Variants in CCDC91 observed in about 807,000 individuals in gnomAD.
CCDC91 encodes the protein coiled-coil domain containing 91.
CCDC91 carries 48 observed loss-of-function variants against 63.2 expected under a neutral mutation model. The observed-to-expected ratio is 0.76, with a 90% CI of 0.60 to 0.97. The LOEUF (loss-of-function observed/expected upper bound fraction) is 0.97. Among genes scored for constraint, CCDC91 ranks in the 50% least tolerant of loss-of-function variants. The probability of loss-of-function intolerance (pLI) is 0.00; values close to 1 mark genes in which losing one functional copy is unlikely to be tolerated. For missense variants in CCDC91, 500 were observed against 494.6 expected (o/e 1.01, Z -0.10); for synonymous variants, 167 against 165.8 (o/e 1.01, Z -0.06).
At chr12:28,411,171 A>G (rs1455677801) in intron 8 of CCDC91, among the ~76,000 whole-genome samples, 1 of 152,134 alleles carries the variant, frequency 6.6e-6, no homozygotes, top group African/African-American at 2.4e-5. Flanking sequence ...GAGGATGTCC[A>G]TTCTTCTGAA....
intron 11 of CCDC91, among the ~76,000 whole-genome samples, chr12:28,467,349 T>A (rs1950596989): frequency 6.6e-6 from 1 of 151,892 alleles, no homozygotes; most frequent in African/African-American, 2.4e-5. Context: ...AAGACAAAAT[T>A]ATAAGAAGAG....
chr12:28,511,341 G>C (rs1939356121), intron 12 of CCDC91, among the ~76,000 whole-genome samples: 1 of 151,750 alleles, frequency 6.6e-6, no homozygotes, highest in Non-Finnish European at 1.5e-5. Flanking sequence ...TCTTCCAAAG[G>C]TTTTCCAAAT....
chr12:28,479,825 CT>C (rs1455180535), intron 11 of CCDC91, among the ~76,000 whole-genome samples: 1 of 146,858 alleles, frequency 6.8e-6, no homozygotes, highest in Non-Finnish European at 1.5e-5. Context: ...GAGTTAGCAA[CT>C]TTTGAAGATG....
In CCDC91 at chr12:28,224,263, C is replaced by T. The variant is rs764753188; in HGVS notation, c.-14-32939C>T. ...GTCATCCCATATGATTTTGGGTCTGCTTTACCAACAATTTATTAAGCTGAG... is the reference window on the plus strand; with the variant it reads ...GTCATCCCATATGATTTTGGGTCTGTTTTACCAACAATTTATTAAGCTGAG... On this transcript the variant is annotated intron_variant, in intron 1 of 12. Coordinates refer to ENST00000536442, the MANE Select transcript of CCDC91 (RefSeq NM_018318.5). Among the ~76,000 whole-genome samples, 91 of 152,200 alleles carry T rather than the reference C, an allele frequency of 6.0e-4. 1 individual carries two copies. Among genetic ancestry groups the T allele is most frequent in the Non-Finnish European group, 2.5e-4 (17 of 68,010 alleles).
At chr12:28,276,053 A>C (rs563349817) in intron 3 of CCDC91, among the ~76,000 whole-genome samples, 7 of 152,216 alleles carry the variant, frequency 4.6e-5, no homozygotes, top group Non-Finnish European at 7.4e-5. Context: ...TCCCTTTGAA[A>C]ACTGGCACAA....
At chr12:28,353,951 C>G (rs1943353918) in intron 6 of CCDC91, among the ~76,000 whole-genome samples, 1 of 152,046 alleles carries the variant, frequency 6.6e-6, no homozygotes, top group African/African-American at 2.4e-5. Flanking sequence ...GGGTAGTAGG[C>G]TTAATACCTG....
chr12:28,202,642 C>T (rs1228076246), intron 1 of CCDC91, among the ~76,000 whole-genome samples: 1 of 152,200 alleles, frequency 6.6e-6, no homozygotes, highest in East Asian at 1.9e-4. Context: ...CTTAGACAGG[C>T]AGTTTATAAC....
chr12:28,269,301 T>C (rs1947582598), intron 3 of CCDC91, among the ~76,000 whole-genome samples: 1 of 151,794 alleles, frequency 6.6e-6, no homozygotes, highest in Non-Finnish European at 1.5e-5. Context: ...AGTGGGAGGG[T>C]ACCATGATTT....
intron 7 of CCDC91, among the ~76,000 whole-genome samples, chr12:28,368,836 GA>G (rs1944433347): frequency 6.6e-6 from 1 of 151,836 alleles, no homozygotes; most frequent in Non-Finnish European, 1.5e-5. Context: ...GAGAAAGAGA[GA>G]GAGAGAGAGA....
Position 28,209,683 on chromosome 12 carries a change from A to C in CCDC91, c.-15+19042A>C, listed in dbSNP as rs11519095. Among the ~76,000 whole-genome samples the C allele has an allele frequency of 7.3e-3, 1,103 of 152,106 alleles. 18 individuals are homozygous for C. The highest frequency in any genetic ancestry group is 0.025 in the African/African-American group (1,056 of 41,482). ...TGACCTCAAGTGATCCACCTGCCTCAGCCTCCCAAAGTGCTAGGATTATAG... is the reference window on the plus strand; with the variant it reads ...TGACCTCAAGTGATCCACCTGCCTCCGCCTCCCAAAGTGCTAGGATTATAG... On this transcript the variant is annotated intron_variant, in intron 1 of 12. Transcript: ENST00000536442.
At chr12:28,238,603 A>G (rs1261272355) in intron 1 of CCDC91, among the ~76,000 whole-genome samples, 2 of 152,210 alleles carry the variant, frequency 1.3e-5, no homozygotes, top group East Asian at 1.9e-4. Context: ...ACTTCCATAT[A>G]TAAGCATTTC....
chr12:28,235,201 C>T (rs1258740226), intron 1 of CCDC91, among the ~76,000 whole-genome samples: 1 of 152,046 alleles, frequency 6.6e-6, no homozygotes, highest in Non-Finnish European at 1.5e-5. Flanking sequence ...CATATCTCAC[C>T]CATGCTACTG....
At chr12:28,510,420 A>C (rs1939246328) in intron 12 of CCDC91, among the ~76,000 whole-genome samples, 1 of 151,906 alleles carries the variant, frequency 6.6e-6, no homozygotes, top group African/African-American at 2.4e-5. Flanking sequence ...TAAAAGCTGG[A>C]AGATTGAAAT....
intron 7 of CCDC91, among the ~76,000 whole-genome samples, chr12:28,371,159 G>A (rs1244958399): frequency 6.6e-6 from 1 of 152,010 alleles, no homozygotes; most frequent in Non-Finnish European, 1.5e-5. Context: ...TATAGCAGGG[G>A]TCCTTAACCC....
chr12:28,375,361 T>C (rs1944881851), intron 7 of CCDC91, among the ~76,000 whole-genome samples: 1 of 151,976 alleles, frequency 6.6e-6, no homozygotes, highest in African/African-American at 2.4e-5. Context: ...AGCTGATCAT[T>C]AGTTGGTTGT....
chr12:28,422,367 A>G (rs1282327016), intron 8 of CCDC91, among the ~76,000 whole-genome samples: 2 of 152,080 alleles, frequency 1.3e-5, no homozygotes, highest in African/African-American at 4.8e-5. Context: ...TTTTATAGTA[A>G]TTAATGGCAT....
chr12:28,446,447 A>G (rs1189159501), intron 8 of CCDC91, among the ~76,000 whole-genome samples: 3 of 152,212 alleles, frequency 2.0e-5, no homozygotes, highest in Admixed American at 2.0e-4. Flanking sequence ...CTTCAAGGAA[A>G]CAGAGACAGT....
chr12:28,516,819 A>G (rs1052932542), intron 12 of CCDC91, among the ~76,000 whole-genome samples: 1 of 151,896 alleles, frequency 6.6e-6, no homozygotes, highest in Non-Finnish European at 1.5e-5. Flanking sequence ...CAGTAATGAC[A>G]TTAGTTATCC....
chr12:28,434,594 G>GTTTTTTTTTTTTTTTTTTTTTTTT (rs376645678), intron 8 of CCDC91, among the ~76,000 whole-genome samples: 1 of 73,436 alleles, frequency 1.4e-5, no homozygotes, highest in Non-Finnish European at 2.4e-5. Flanking sequence ...CCTTGGTCTG[G>GTTTTTTTTTTTTTTTTTTTTTTTT]TTTTTTTTTT....
Sources: gnomAD v4.1 joint callset for allele counts (sites outside exome capture counted in the v4.1 genomes callset) on GRCh38, gnomAD v4.1.1 for gene constraint, MANE v1.5 for transcripts, NCBI Gene and HGNC (gene_info 2026-07-23, HGNC 2026-07-21) for gene names.